CDC42BPB: variants seen among roughly 807,000 people sequenced by gnomAD.
CDC42BPB encodes CDC42 binding protein kinase beta.
CDC42BPB carries 37 observed loss-of-function variants against 214.9 expected under a neutral mutation model. That is an observed-to-expected ratio of 0.17 (90% confidence interval 0.13 to 0.23). The LOEUF (loss-of-function observed/expected upper bound fraction) is 0.23. Among genes scored for constraint, CDC42BPB ranks in the 10% least tolerant of loss-of-function variants. The probability of loss-of-function intolerance (pLI) is 1.00; values close to 1 mark genes in which losing one functional copy is unlikely to be tolerated. For synonymous variants in CDC42BPB, 931 were observed against 884.0 expected (o/e 1.05, Z -0.94); for missense variants, 1,694 against 2,227.0 (o/e 0.76, Z 4.82).
intron 5 of CDC42BPB, among the ~76,000 whole-genome samples, chr14:102,991,423 T>A (rs897630279): frequency 8.5e-5 from 13 of 152,198 alleles, no homozygotes; most frequent in African/African-American, 2.9e-4. Flanking sequence ...TATTCTAGAT[T>A]AAAAGAGATT....
At chr14:102,962,722 G>A (rs1056498609) in intron 20 of CDC42BPB, among the ~76,000 whole-genome samples, 2 of 152,118 alleles carry the variant, frequency 1.3e-5, no homozygotes, top group Non-Finnish European at 2.9e-5. Context: ...TGGTGGTGGT[G>A]TGCACCTGCA....
At chr14:102,945,745 T>C (rs375711923) in intron 28 of CDC42BPB, 21 bp from the exon 29 acceptor site, 2 of 1,611,204 alleles carry the variant, frequency 1.2e-6, no homozygotes, top group Non-Finnish European at 8.5e-7. Context: ...GTAAGTAACA[T>C]ACACAAAGTC....
intron 29 of CDC42BPB, 114 bp downstream of exon 29, chr14:102,945,548 G>T: frequency 1.1e-6 from 1 of 906,744 alleles, no homozygotes; most frequent in Non-Finnish European, 1.7e-6. Flanking sequence ...GGCCCCTCCG[G>T]CGCCTTCATC....
At chr14:103,015,991 C>T (rs528586525) in intron 1 of CDC42BPB, among the ~76,000 whole-genome samples, 3 of 152,208 alleles carry the variant, frequency 2.0e-5, no homozygotes, top group Non-Finnish European at 2.9e-5. Context: ...GCTGGGATTA[C>T]AGGCGTGAGC....
chr14:103,056,874 C>G, intron 1 of CDC42BPB, 125 bp downstream of exon 1: 1 of 621,548 alleles, frequency 1.6e-6, no homozygotes, highest in Non-Finnish European at 2.4e-6. Context: ...AGGCGAAGCC[C>G]ACGAGCTGGG....
At chr14:103,038,770 C>T (rs1196111476) in intron 1 of CDC42BPB, among the ~76,000 whole-genome samples, 2 of 148,654 alleles carry the variant, frequency 1.3e-5, no homozygotes, top group African/African-American at 5.0e-5. Context: ...AACTCCTGGA[C>T]TCAAGTGATT....
intron 11 of CDC42BPB, among the ~76,000 whole-genome samples, chr14:102,975,255 G>A (rs909162236): frequency 3.3e-5 from 5 of 152,228 alleles, no homozygotes; most frequent in African/African-American, 1.2e-4. Context: ...TGGGCGCAGT[G>A]GCTCATGCTT....
rs1343949115 is a variant in CDC42BPB at position 102,943,463 on chromosome 14, G to A, written c.4408+428C>T. On this transcript the variant is annotated intron_variant, in intron 30 of 36. Transcript: ENST00000361246. This position sits in a 1 kb window ranked among gnomAD's most constrained non-coding sequence, Gnocchi z 4.6. ...TGTCCTTAGAGGGACTGTAACTTAA[G>A]ACACCAGAGGTGAATTATTTTCTGG... 6.6e-6 allele frequency among the ~76,000 whole-genome samples: 1 copy of A among 152,202 alleles called. No individual in the cohort carries two copies. The highest frequency in any genetic ancestry group is 1.5e-5 in the Non-Finnish European group (1 of 68,042).
At chr14:102,937,765 G>A (rs532798452) in intron 36 of CDC42BPB, among the ~76,000 whole-genome samples, 1 of 152,386 alleles carries the variant, frequency 6.6e-6, no homozygotes, top group Non-Finnish European at 1.5e-5. Flanking sequence ...CCAGACCAAA[G>A]AGACTGCTGA....
chr14:103,024,340 A>G (rs1030017426), intron 1 of CDC42BPB, among the ~76,000 whole-genome samples: 2 of 152,190 alleles, frequency 1.3e-5, no homozygotes, highest in African/African-American at 2.4e-5. Context: ...GAGACTTGCT[A>G]ATACACTTCT....
intron 19 of CDC42BPB, 90 bp downstream of exon 19, chr14:102,964,412 C>T (rs983447045): frequency 8.8e-6 from 13 of 1,484,570 alleles, no homozygotes; most frequent in South Asian, 4.9e-5. Context: ...ATTTTCCAGG[C>T]GAGGAGCATC....
intron 36 of CDC42BPB, 79 bp from the exon 37 acceptor site, chr14:102,933,922 T>C (rs1891513106): frequency 1.4e-6 from 2 of 1,451,154 alleles, no homozygotes; most frequent in Non-Finnish European, 1.8e-6. Flanking sequence ...GATGCAAATG[T>C]TTGCTCAGGG....
Position 103,039,292 on chromosome 14 carries a change from CAA to C in CDC42BPB, c.175+17705_175+17706del, listed in dbSNP as rs202028122. 6.9e-3 allele frequency among the ~76,000 whole-genome samples: 489 copies of C among 70,626 alleles called. 3 individuals are homozygous for C. Among genetic ancestry groups the C allele is most frequent in the African/African-American group, 0.019 (454 of 23,520 alleles). 46.3% of individuals were successfully genotyped at this position (70,626 alleles called of 152,430 possible). Reference sequence around the variant, plus strand: ...GGCCAGTATTATCTTGATACCAAACCAAAAAAAAAAAAAAAAAAAAGACATAC... The same window carrying C: ...GGCCAGTATTATCTTGATACCAAACCAAAAAAAAAAAAAAAAAAGACATAC... On this transcript the variant is annotated intron_variant, in intron 1 of 36. Coordinates refer to ENST00000361246, the MANE Select transcript of CDC42BPB (RefSeq NM_006035.4).
At chr14:102,988,355 A>T (rs980489118) in intron 5 of CDC42BPB, among the ~76,000 whole-genome samples, 9 of 49,994 alleles carry the variant, frequency 1.8e-4, no homozygotes, top group South Asian at 1.1e-3. Context: ...CCAGAAATTA[A>T]AAAAAAAAAA....
intron 4 of CDC42BPB, 192 bp from the exon 5 acceptor site, chr14:102,999,905 C>T: frequency 6.1e-6 from 6 of 985,424 alleles, no homozygotes; most frequent in Non-Finnish European, 7.2e-6. Flanking sequence ...CCGCCATCTT[C>T]AGGGGTGCAT....
intron 1 of CDC42BPB, among the ~76,000 whole-genome samples, chr14:103,034,369 TA>T (rs1170623844): frequency 6.6e-6 from 1 of 152,156 alleles, no homozygotes; most frequent in Non-Finnish European, 1.5e-5. Flanking sequence ...AATACACATT[TA>T]AAAAACAGTA....
At position 102,940,214 on chromosome 14, in the gene CDC42BPB, G is replaced by A. The variant is rs1891829683; in HGVS notation, c.4506+13C>T. ...AAGCCCGCCCGCACAGGAGGGCACC[G>A]AGGCCGCCTTACCCTCCGCAGGCCG... On this transcript the variant is annotated intron_variant, in intron 31 of 36. Coordinates refer to ENST00000361246, the MANE Select transcript of CDC42BPB (RefSeq NM_006035.4). 14 of 1,607,486 alleles carry A rather than the reference G, an allele frequency of 8.7e-6. No homozygotes were observed. The highest frequency in any genetic ancestry group is 1.1e-5 in the South Asian group (1 of 90,302).
intron 1 of CDC42BPB, among the ~76,000 whole-genome samples, chr14:103,035,967 C>T (rs1887640583): frequency 6.6e-6 from 1 of 151,970 alleles, no homozygotes; most frequent in Non-Finnish European, 1.5e-5. Flanking sequence ...ACCTGGGCAA[C>T]ATGACGAAAC....
intron 20 of CDC42BPB, among the ~76,000 whole-genome samples, chr14:102,962,234 G>GCCTGT (rs1892994834): frequency 6.6e-6 from 1 of 152,206 alleles, no homozygotes. Context: ...GCCTCTGGAG[G>GCCTGT]CCTGTCCGTC....
Sources: gnomAD v4.1 joint callset for allele counts (sites outside exome capture counted in the v4.1 genomes callset) on GRCh38, gnomAD v4.1.1 for gene constraint, Gnocchi (gnomAD v3.1) non-coding constraint, MANE v1.5 for transcripts, NCBI Gene and HGNC (gene_info 2026-07-23, HGNC 2026-07-21) for gene names.